Variants in MOCOS observed in about 807,000 individuals in gnomAD.
The protein encoded by MOCOS is human molybdenum cofactor sulfurase.
Under a neutral mutation model 83.6 loss-of-function variants are expected in MOCOS, and 86 were observed. The observed-to-expected ratio is 1.03, with a 90% CI of 0.86 to 1.23. MOCOS has a LOEUF of 1.23. Ranked by LOEUF, MOCOS falls within the 50% of genes most tolerant of loss-of-function variation. The pLI is 0.00. For synonymous variants in MOCOS, 445 were observed against 434.7 expected, an observed-to-expected ratio of 1.02 and a Z score of -0.29; for missense variants, 1,120 against 1,126.9, an observed-to-expected ratio of 0.99 and a Z score of 0.09.
Position 36,268,807 on chromosome 18 carries a change from G to T in MOCOS, c.*122G>T, listed in dbSNP as rs1231926453. 1.2e-6 allele frequency: 1 copy of T among 860,086 alleles called. No individual in the cohort carries two copies. Among genetic ancestry groups the T allele is most frequent in the African/African-American group, 1.7e-5 (1 of 59,174 alleles). 53.3% of individuals were successfully genotyped at this position (860,086 alleles called of 1,614,324 possible). On this transcript the variant is annotated 3_prime_UTR_variant, in exon 15 of 15. Coordinates refer to ENST00000261326, the MANE Select transcript of MOCOS (RefSeq NM_017947.4). ...AGAGCTCTTTTTCTTTAGAGGCAGGGAATGCTCTCACCTGCTTCCTTCTGC... is the reference window on the plus strand; with the variant it reads ...AGAGCTCTTTTTCTTTAGAGGCAGGTAATGCTCTCACCTGCTTCCTTCTGC...
In MOCOS at chr18:36,236,690, G is replaced by A. The variant is rs189172338; in HGVS notation, c.1961-12232G>A. On this transcript the variant is annotated intron_variant, in intron 9 of 14. Transcript: ENST00000261326. ...GAAGAAAGGCATTGGTAGCCTGATG[G>A]GGGTGGCATTGAATCTGTAAATTAC... Among the ~76,000 whole-genome samples the A allele has an allele frequency of 9.2e-5, 13 of 141,824 alleles. No homozygotes were observed. The East Asian group carries it at 2.4e-3, about 26-fold the overall frequency. 93.0% of individuals were successfully genotyped at this position (141,824 alleles called of 152,430 possible).
intron 2 of MOCOS, among the ~76,000 whole-genome samples, chr18:36,198,398 C>A (rs1246704835): frequency 6.6e-6 from 1 of 152,156 alleles, no homozygotes; most frequent in Non-Finnish European, 1.5e-5. Context: ...AAAACCAAAT[C>A]ACTTTTTATT....
At chr18:36,246,650 G>A (rs553795611) in intron 9 of MOCOS, among the ~76,000 whole-genome samples, 1 of 152,354 alleles carries the variant, frequency 6.6e-6, no homozygotes, top group South Asian at 2.1e-4. Context: ...GGTTATGCTA[G>A]CAGTGAAGTT....
intron 13 of MOCOS, among the ~76,000 whole-genome samples, chr18:36,262,593 G>A (rs2091667877): frequency 6.6e-6 from 1 of 152,042 alleles, no homozygotes; most frequent in Non-Finnish European, 1.5e-5. Context: ...CTGCCTCTCA[G>A]GTTCAAGCAA....
At chr18:36,189,476 A>G (rs140055781) in intron 1 of MOCOS, among the ~76,000 whole-genome samples, 2 of 152,202 alleles carry the variant, frequency 1.3e-5, no homozygotes, top group Admixed American at 1.3e-4. Context: ...AAACCAAAAT[A>G]ACATCACCTC....
chr18:36,218,812 G>A (rs370114690), intron 8 of MOCOS, among the ~76,000 whole-genome samples: 10 of 151,176 alleles, frequency 6.6e-5, no homozygotes, highest in African/African-American at 2.4e-4. Context: ...AAGCCACTGC[G>A]CCCAGCTCTA....
chr18:36,230,748 C>A (rs1170799559), intron 9 of MOCOS, among the ~76,000 whole-genome samples: 1 of 152,132 alleles, frequency 6.6e-6, no homozygotes, highest in Non-Finnish European at 1.5e-5. Flanking sequence ...GGGCTCTCTT[C>A]CTGATTGTAT....
chr18:36,240,944 T>G (rs943483812), intron 9 of MOCOS, among the ~76,000 whole-genome samples: 1 of 152,232 alleles, frequency 6.6e-6, no homozygotes, highest in Non-Finnish European at 1.5e-5. Context: ...GGGAACTCCC[T>G]GACCCCTTGT....
intron 12 of MOCOS, among the ~76,000 whole-genome samples, chr18:36,259,601 GA>G (rs1354575225): frequency 1.3e-5 from 2 of 150,902 alleles, no homozygotes; most frequent in African/African-American, 2.4e-5. Context: ...AAAGAAGGGG[GA>G]AAAAAGGGAA....
intron 13 of MOCOS, among the ~76,000 whole-genome samples, chr18:36,264,929 C>G (rs761380960): frequency 1.3e-5 from 2 of 152,020 alleles, no homozygotes; most frequent in Admixed American, 6.6e-5. Flanking sequence ...CCTAATGTGA[C>G]GAATTTATTC....
At chr18:36,198,924 G>A (rs1483011570) in intron 3 of MOCOS, among the ~76,000 whole-genome samples, 168 bp downstream of exon 3, 1 of 152,188 alleles carries the variant, frequency 6.6e-6, no homozygotes, top group Non-Finnish European at 1.5e-5. Flanking sequence ...GCTCAGAAAG[G>A]CAGCGGTGAG....
chr18:36,239,204 T>G (rs1221272346), intron 9 of MOCOS, among the ~76,000 whole-genome samples: 1 of 152,186 alleles, frequency 6.6e-6, no homozygotes, highest in Non-Finnish European at 1.5e-5. Context: ...TTTTGCTCGT[T>G]ACTTGATGCA....
intron 11 of MOCOS, among the ~76,000 whole-genome samples, chr18:36,251,917 A>T (rs2091623640): frequency 6.6e-6 from 1 of 152,110 alleles, no homozygotes; most frequent in South Asian, 2.1e-4. Flanking sequence ...AGCACCCTGT[A>T]CCTGAATCTG....
chr18:36,187,798 C>T, intron 1 of MOCOS, 117 bp downstream of exon 1: 1 of 1,142,730 alleles, frequency 8.8e-7, no homozygotes, highest in Non-Finnish European at 1.1e-6. Flanking sequence ...ATCGAAACTC[C>T]AGGAGGGACG....
chr18:36,264,782 A>T (rs1291810247), intron 13 of MOCOS, among the ~76,000 whole-genome samples: 2 of 152,298 alleles, frequency 1.3e-5, no homozygotes, highest in East Asian at 3.9e-4. Flanking sequence ...CTAAAAAAAA[A>T]AATTAGAGCT....
intron 7 of MOCOS, among the ~76,000 whole-genome samples, chr18:36,214,244 CAAAAA>C (rs33965546): frequency 1.3e-4 from 12 of 91,396 alleles, no homozygotes; most frequent in Non-Finnish European, 2.1e-4. Context: ...AACTCAGTCT[CAAAAA>C]AAAAAAAAAA....
chr18:36,251,296 G>C lies in MOCOS; in HGVS notation c.2164+13G>C. The C allele has an allele frequency of 6.2e-7, 1 of 1,613,608 alleles. No homozygotes were observed. Among genetic ancestry groups the C allele is most frequent in the Non-Finnish European group, 8.5e-7 (1 of 1,179,804 alleles). ...AAACATGGAAAAGGTATTACATTTT[G>C]AATTGGTTCGTAGAGAACAGGAACC... On this transcript the variant is annotated intron_variant, in intron 11 of 14. Transcript: ENST00000261326.
At chr18:36,235,982 G>GT (rs909077043) in intron 9 of MOCOS, among the ~76,000 whole-genome samples, 3 of 149,834 alleles carry the variant, frequency 2.0e-5, no homozygotes, top group African/African-American at 4.9e-5. Context: ...GGGGTTGTTT[G>GT]TTTTTTTCTT....
In MOCOS at chr18:36,260,420, G is replaced by A. The variant is rs16967629; in HGVS notation, c.2409+245G>A. On this transcript the variant is annotated intron_variant, in intron 13 of 14. Transcript: ENST00000261326. ...CACCACAGAAGGTGTGCGAGGGCTC[G>A]ACACTGCCTCTGTGCTGTCGTTATG... Among the ~76,000 whole-genome samples, 4,145 of 152,288 alleles carry A rather than the reference G, an allele frequency of 0.027. 190 individuals are homozygous for A. Among genetic ancestry groups the A allele is most frequent in the African/African-American group, 0.094 (3,908 of 41,554 alleles).
Sources: allele counts gnomAD v4.1 joint callset (sites outside exome capture counted in the v4.1 genomes callset), GRCh38; gene constraint gnomAD v4.1.1; transcripts MANE v1.5; gene names NCBI Gene and HGNC (gene_info 2026-07-23, HGNC 2026-07-21).